Variants in ARHGAP26 observed in about 807,000 individuals in gnomAD.
The protein encoded by ARHGAP26 is Rho GTPase activating protein 26.
A neutral mutation model predicts 104.8 loss-of-function variants in ARHGAP26; 38 were observed. The ratio of observed to expected loss-of-function variants is 0.36; its 90% CI spans 0.28 to 0.48. ARHGAP26 has a LOEUF of 0.48. Among genes scored for constraint, ARHGAP26 ranks in the 20% least tolerant of loss-of-function variants. ARHGAP26 has a pLI of 0.99. For missense variants in ARHGAP26, 704 were observed against 947.9 expected (o/e 0.74, Z 3.38); for synonymous variants, 341 against 340.0 (o/e 1.00, Z -0.03).
chr5:143,196,822 C>T (rs1318720126), intron 20 of ARHGAP26, among the ~76,000 whole-genome samples: 1 of 152,148 alleles, frequency 6.6e-6, no homozygotes, highest in Non-Finnish European at 1.5e-5. Flanking sequence ...TGGGAATGTG[C>T]CGTTGGGCGA....
intron 17 of ARHGAP26, among the ~76,000 whole-genome samples, chr5:143,093,564 CTCTT>C (rs1288239798): frequency 6.6e-5 from 10 of 152,042 alleles, no homozygotes; most frequent in East Asian, 5.8e-4. Flanking sequence ...CTTTGTGTCT[CTCTT>C]TCTCTCTCTC....
chr5:142,791,941 C>CAAAAA (rs11397426), intron 1 of ARHGAP26, among the ~76,000 whole-genome samples: 2 of 65,152 alleles, frequency 3.1e-5, no homozygotes, highest in African/African-American at 4.7e-5. Context: ...AAACCCGTCT[C>CAAAAA]AAAAAAAAAA....
intron 18 of ARHGAP26, among the ~76,000 whole-genome samples, chr5:143,121,610 G>A (rs1427877808): frequency 3.9e-5 from 6 of 152,190 alleles, no homozygotes; most frequent in Middle Eastern, 3.4e-3. Flanking sequence ...TTGACCTATA[G>A]TTTGTCTTTC....
intron 1 of ARHGAP26, among the ~76,000 whole-genome samples, chr5:142,773,176 A>G (rs1303348388): frequency 1.3e-5 from 2 of 152,184 alleles, no homozygotes; most frequent in African/African-American, 2.4e-5. Context: ...GTATACTACT[A>G]TATTAATGTT....
intron 1 of ARHGAP26, among the ~76,000 whole-genome samples, chr5:142,780,876 G>A (rs536880204): frequency 9.7e-4 from 148 of 152,284 alleles, no homozygotes; most frequent in Non-Finnish European, 1.5e-3. Flanking sequence ...TGAGGGAGTC[G>A]GGAGTTTTGC....
chr5:142,837,636 C>T (rs868220840), intron 1 of ARHGAP26, among the ~76,000 whole-genome samples: 1 of 152,168 alleles, frequency 6.6e-6, no homozygotes, highest in Non-Finnish European at 1.5e-5. Flanking sequence ...CCTATCTTTT[C>T]CCTGCAGTAG....
Position 143,219,055 on chromosome 5 carries a change from C to T in ARHGAP26, c.2192-3303C>T, listed in dbSNP as rs550017498. 1.4e-4 allele frequency among the ~76,000 whole-genome samples: 22 copies of T among 152,344 alleles called. No homozygotes were observed. In the South Asian group the frequency reaches 3.9e-3, roughly 27 times the overall value. ...GAAGTGCGTATTCGCAAAGGGTCTG[C>T]CACCTGGCATGTGCTCAACATGTTA... On this transcript the variant is annotated intron_variant, in intron 22 of 22. Transcript: ENST00000645722.
intron 17 of ARHGAP26, among the ~76,000 whole-genome samples, chr5:143,060,565 T>G (rs1286395727): frequency 6.6e-6 from 1 of 152,030 alleles, no homozygotes; most frequent in Admixed American, 6.6e-5. Context: ...ACATAAAAAT[T>G]ATAGGCAACC....
chr5:143,132,535 A>AT (rs201237912), intron 18 of ARHGAP26, among the ~76,000 whole-genome samples: 1 of 152,050 alleles, frequency 6.6e-6, no homozygotes, highest in Non-Finnish European at 1.5e-5. Flanking sequence ...ATGTCTGAAG[A>AT]TTTTTTTAAT....
At chr5:143,149,021 A>G (rs973535552) in intron 20 of ARHGAP26, among the ~76,000 whole-genome samples, 11 of 152,148 alleles carry the variant, frequency 7.2e-5, no homozygotes, top group African/African-American at 2.7e-4. Flanking sequence ...TAAGCAGCTA[A>G]GTGGAAAAGG....
At chr5:143,046,099 A>C (rs1039666400) in intron 14 of ARHGAP26, among the ~76,000 whole-genome samples, 20 of 152,006 alleles carry the variant, frequency 1.3e-4, no homozygotes, top group Non-Finnish European at 2.5e-4. Flanking sequence ...GCGTCATTGC[A>C]CTCCAGCCTG....
intron 19 of ARHGAP26, 92 bp from the exon 20 acceptor site, chr5:143,147,139 C>T: frequency 2.2e-6 from 3 of 1,360,694 alleles, no homozygotes; most frequent in Non-Finnish European, 1.0e-6. Flanking sequence ...GATCTTGATC[C>T]AGTCTTATTC....
At chr5:143,109,275 C>A (rs9324905) in intron 17 of ARHGAP26, among the ~76,000 whole-genome samples, 1 of 152,088 alleles carries the variant, frequency 6.6e-6, no homozygotes, top group Non-Finnish European at 1.5e-5. Context: ...GGAAAATGGG[C>A]AACAACTGCA....
chr5:143,157,131 G>T lies in ARHGAP26; in HGVS notation c.1988+9750G>T, dbSNP rs377704126. 1.1e-4 allele frequency among the ~76,000 whole-genome samples: 16 copies of T among 152,178 alleles called. No homozygotes were observed. In the East Asian group the frequency reaches 2.9e-3, roughly 28 times the overall value. ...TTCCCAAACTGGTACAGGAAGGGAA[G>T]GGGGCAAGAGCTGCTTTGGACTAAG... On this transcript the variant is annotated intron_variant, in intron 20 of 22. Coordinates refer to ENST00000645722, the MANE Select transcript of ARHGAP26 (RefSeq NM_001135608.3).
rs141741560 is a variant in ARHGAP26, at chr5:143,087,234, G to T, written c.1538+29487G>T. On this transcript the variant is annotated intron_variant, in intron 17 of 22. Coordinates refer to ENST00000645722, the MANE Select transcript of ARHGAP26 (RefSeq NM_001135608.3). ...TTACATGCATTCAAATTAAGGTGTT[G>T]TAAGCCTCCCCTGTTTTCTCACACT... Among the ~76,000 whole-genome samples the T allele has an allele frequency of 2.7e-3, 409 of 152,326 alleles. 2 individuals carry two copies. Among genetic ancestry groups the T allele is most frequent in the African/African-American group, 9.3e-3 (388 of 41,580 alleles).
At chr5:142,794,105 T>C (rs1050725910) in intron 1 of ARHGAP26, among the ~76,000 whole-genome samples, 1 of 152,346 alleles carries the variant, frequency 6.6e-6, no homozygotes, top group Non-Finnish European at 1.5e-5. Flanking sequence ...GGTCTCTGCA[T>C]CTCTCAACTC....
chr5:142,935,958 T>C (rs830301), intron 11 of ARHGAP26, among the ~76,000 whole-genome samples: 44,577 of 152,028 alleles, frequency 0.29, 7,354 homozygotes, highest in East Asian at 0.73. Context: ...GGGTGTTTGC[T>C]GTCACCACTC....
At chr5:142,993,362 G>A (rs1308919733) in intron 11 of ARHGAP26, among the ~76,000 whole-genome samples, 1 of 151,894 alleles carries the variant, frequency 6.6e-6, no homozygotes, top group African/African-American at 2.4e-5. Flanking sequence ...GTAGAGATGG[G>A]GTTTCACCTT....
chr5:142,932,193 A>G (rs1764828626), intron 11 of ARHGAP26, 68 bp downstream of exon 11: 5 of 1,457,306 alleles, frequency 3.4e-6, no homozygotes. Context: ...TCCCTAGTGC[A>G]GTGATTTTTG....
Sources: allele counts gnomAD v4.1 joint callset (sites outside exome capture counted in the v4.1 genomes callset), GRCh38; gene constraint gnomAD v4.1.1; transcripts MANE v1.5; gene names NCBI Gene and HGNC (gene_info 2026-07-23, HGNC 2026-07-21).